The following RASSF8 variants were observed in gnomAD, a reference collection of about 807,000 sequenced individuals.
RASSF8 encodes ras association domain-containing protein 8.
In RASSF8, 22 loss-of-function variants were observed where a neutral mutation model predicts 48.5. The ratio of observed to expected loss-of-function variants is 0.45; its 90% confidence interval spans 0.32 to 0.65. The LOEUF is 0.65. Among genes scored for constraint, RASSF8 ranks in the 30% least tolerant of loss-of-function variants. RASSF8 has a pLI of 0.03. For missense variants in RASSF8, 418 were observed against 489.2 expected, an observed-to-expected ratio of 0.85 and a Z score of 1.37; for synonymous variants, 127 against 171.5, an observed-to-expected ratio of 0.74 and a Z score of 2.03.
downstream of RASSF8, among the ~76,000 whole-genome samples, chr12:26,077,255 CTTTAG>C (rs1944080821): frequency 6.6e-6 from 1 of 152,166 alleles, no homozygotes; most frequent in Non-Finnish European, 1.5e-5. Context: ...TGCAGAAGCT[CTTTAG>C]TTTAATTAGA....
At chr12:26,034,845 A>G (rs1193728937) in intron 2 of RASSF8, among the ~76,000 whole-genome samples, 1 of 151,854 alleles carries the variant, frequency 6.6e-6, no homozygotes, top group Non-Finnish European at 1.5e-5. Flanking sequence ...ATTAAAAAAA[A>G]ACATCTAACT....
intron 1 of RASSF8, among the ~76,000 whole-genome samples, chr12:25,981,170 G>C (rs1941733917): frequency 6.6e-6 from 1 of 152,038 alleles, no homozygotes; most frequent in South Asian, 2.1e-4. Context: ...ACTCCACCAG[G>C]GATGGTACCA....
chr12:26,058,538 G>GCACA (rs61465811), intron 3 of RASSF8, among the ~76,000 whole-genome samples: 4,933 of 149,088 alleles, frequency 0.033, 91 homozygotes, highest in South Asian at 0.046. Context: ...ACGCGCGCGC[G>GCACA]CACACACACA....
intron 1 of RASSF8, among the ~76,000 whole-genome samples, chr12:25,975,282 A>G (rs907575286): frequency 2.6e-5 from 4 of 152,210 alleles, no homozygotes; most frequent in African/African-American, 9.6e-5. Context: ...AGATGTGCAC[A>G]GTGGGCTGGG....
intron 2 of RASSF8, among the ~76,000 whole-genome samples, chr12:26,006,354 T>G (rs1399605005): frequency 4.6e-5 from 7 of 152,202 alleles, no homozygotes; most frequent in African/African-American, 1.7e-4. Context: ...AAGATCTCTT[T>G]TAGGTCTCTA....
At chr12:25,984,001 A>T (rs1055651453) in intron 1 of RASSF8, among the ~76,000 whole-genome samples, 1 of 152,224 alleles carries the variant, frequency 6.6e-6, no homozygotes, top group Non-Finnish European at 1.5e-5. Context: ...TTCCATTCAT[A>T]TGAGCTTCAG....
chr12:26,015,904 T>G (rs1942638076), intron 2 of RASSF8, among the ~76,000 whole-genome samples: 1 of 152,186 alleles, frequency 6.6e-6, no homozygotes, highest in Non-Finnish European at 1.5e-5. Context: ...CACTTCTCTA[T>G]AACTCTGTGA....
intron 1 of RASSF8, among the ~76,000 whole-genome samples, chr12:25,971,972 C>T (rs752339624): frequency 3.3e-5 from 5 of 152,238 alleles, no homozygotes; most frequent in Non-Finnish European, 7.3e-5. Flanking sequence ...TAGTTATCCA[C>T]TGACTCTTTA....
At chr12:25,979,105 A>G (rs1398578886) in intron 1 of RASSF8, among the ~76,000 whole-genome samples, 1 of 152,188 alleles carries the variant, frequency 6.6e-6, no homozygotes, top group Non-Finnish European at 1.5e-5. Context: ...CTTGGGCTGG[A>G]AATAGTGATA....
chr12:26,062,658 G>A (rs1005350629), intron 3 of RASSF8, among the ~76,000 whole-genome samples: 13 of 152,154 alleles, frequency 8.5e-5, no homozygotes, highest in African/African-American at 3.1e-4. Flanking sequence ...GTTGGAAGTT[G>A]CTTTTTAAAA....
intron 2 of RASSF8, among the ~76,000 whole-genome samples, chr12:26,051,988 T>G (rs1270114613): frequency 1.3e-5 from 2 of 152,098 alleles, no homozygotes; most frequent in Non-Finnish European, 2.9e-5. Context: ...CCAACAAAAC[T>G]CACAAAAAAC....
intron 2 of RASSF8, among the ~76,000 whole-genome samples, chr12:26,044,195 G>A (rs1943324891): frequency 6.6e-6 from 1 of 152,120 alleles, no homozygotes; most frequent in African/African-American, 2.4e-5. Flanking sequence ...TTTTGTGACT[G>A]CTGGAGTGAT....
chr12:26,005,134 ATT>A (rs1942357633), intron 2 of RASSF8, among the ~76,000 whole-genome samples: 1 of 151,420 alleles, frequency 6.6e-6, no homozygotes, highest in Admixed American at 6.6e-5. Flanking sequence ...TATAACGTGT[ATT>A]TGTGTCTTTT....
chr12:25,983,241 A>AC (rs1016085210), intron 1 of RASSF8, among the ~76,000 whole-genome samples: 332 of 28,436 alleles, frequency 0.012, 1 homozygote, highest in African/African-American at 0.026. Flanking sequence ...TATAAAAATG[A>AC]CAAAAAAAAT....
At chr12:25,985,557 T>C (rs1490056925) in intron 1 of RASSF8, among the ~76,000 whole-genome samples, 1 of 152,250 alleles carries the variant, frequency 6.6e-6, no homozygotes, top group African/African-American at 2.4e-5. Flanking sequence ...TTTGTCTGGA[T>C]AATAATTACT....
intron 2 of RASSF8, among the ~76,000 whole-genome samples, chr12:26,017,936 C>T (rs1398421098): frequency 2.0e-5 from 3 of 152,210 alleles, no homozygotes; most frequent in Non-Finnish European, 4.4e-5. Flanking sequence ...CCACACAACC[C>T]GAAAAGTCTT....
chr12:26,049,341 A>T (rs1057185812), intron 2 of RASSF8, among the ~76,000 whole-genome samples: 1 of 152,230 alleles, frequency 6.6e-6, no homozygotes, highest in Non-Finnish European at 1.5e-5. Context: ...TTGAAAACAT[A>T]TCTCTTAGTT....
Position 26,068,955 on chromosome 12 carries a change from C to G in RASSF8, c.*137C>G. 2.1e-6 allele frequency: 3 copies of G among 1,434,666 alleles called. No individual in the cohort carries two copies. Among genetic ancestry groups the G allele is most frequent in the Non-Finnish European group, 2.7e-6 (3 of 1,095,194 alleles). The allele number at this position is 1,434,666 out of a possible 1,614,324, so 88.9% of individuals were successfully genotyped here. A position where few individuals can be genotyped will look rare whatever the true frequency, so the allele number is the denominator to read the frequency against. ...TTTTTCTCTCCTAAATTGCATACCA[C>G]TTGGAGCCATACCCTGTGCACTGAT... On this transcript the variant is annotated 3_prime_UTR_variant, in exon 6 of 6. Coordinates refer to ENST00000689635, the MANE Select transcript of RASSF8 (RefSeq NM_001394098.1).
chr12:26,021,568 C>T (rs749687020), intron 2 of RASSF8: 1 of 152,220 alleles, frequency 6.6e-6, no homozygotes, highest in Non-Finnish European at 1.5e-5. Flanking sequence ...CCAGCCCCTA[C>T]GCATAGGGCA....
Sources: allele counts gnomAD v4.1 joint callset (sites outside exome capture counted in the v4.1 genomes callset), GRCh38; gene constraint gnomAD v4.1.1; transcripts MANE v1.5; gene names NCBI Gene and HGNC (gene_info 2026-07-23, HGNC 2026-07-21).